Variants in MME observed in about 807,000 individuals in gnomAD.
The protein encoded by MME is neprilysin.
Under a neutral mutation model 113.2 loss-of-function variants are expected in MME, and 98 were observed. That is an observed-to-expected ratio of 0.87 (90% CI 0.74 to 1.02). MME has a LOEUF of 1.02. Among genes scored for constraint, MME ranks in the 50% least tolerant of loss-of-function variants. The probability of loss-of-function intolerance (pLI) is 0.00; values close to 1 mark genes in which losing one functional copy is unlikely to be tolerated. For missense variants in MME, 836 were observed against 896.0 expected (o/e 0.93, Z 0.86); for synonymous variants, 292 against 300.6 (o/e 0.97, Z 0.30).
rs1553762419 is a variant in MME at position 155,133,062 on chromosome 3, A to AAAAT, written c.721-5039_721-5038insAATA. ...TCTAAAAAAAAAAAAAAAAAAAAAA[A>AAAAT]ATATATATATATATATATGTATAAA... On this transcript the variant is annotated intron_variant, in intron 8 of 22. Transcript: ENST00000360490. Among the ~76,000 whole-genome samples, 22 of 75,066 alleles carry AAAAT rather than the reference A, an allele frequency of 2.9e-4. 1 individual carries two copies. The highest frequency in any genetic ancestry group is 3.6e-4 in the Non-Finnish European group (14 of 38,552). The allele number at this position is 75,066 out of a possible 152,430, so 49.2% of individuals were successfully genotyped here.
At chr3:155,040,016 G>T (rs1244138307) in intron 1 of MME, among the ~76,000 whole-genome samples, 1 of 152,112 alleles carries the variant, frequency 6.6e-6, no homozygotes, top group Non-Finnish European at 1.5e-5. Flanking sequence ...TTTAAACTCT[G>T]CTATACTGAG....
intron 16 of MME, among the ~76,000 whole-genome samples, chr3:155,153,214 A>G (rs1460450323): frequency 6.6e-6 from 1 of 151,878 alleles, no homozygotes; most frequent in African/African-American, 2.4e-5. Flanking sequence ...TTTAGTAGAG[A>G]CGGGGCTTCA....
intron 4 of MME, 141 bp downstream of exon 4, chr3:155,115,296 C>A: frequency 1.0e-6 from 1 of 981,892 alleles, no homozygotes; most frequent in Non-Finnish European, 1.5e-6. Flanking sequence ...GTACCACCAC[C>A]AAGTCACTCT....
chr3:155,043,210 T>C (rs960116777), intron 1 of MME, among the ~76,000 whole-genome samples: 21 of 151,480 alleles, frequency 1.4e-4, no homozygotes, highest in Admixed American at 1.1e-3. Flanking sequence ...TTTATAATGC[T>C]ATTTTAAAAT....
chr3:155,144,301 A>G, intron 13 of MME, 58 bp from the exon 14 acceptor site: 1 of 1,177,506 alleles, frequency 8.5e-7, no homozygotes, highest in Admixed American at 1.7e-5. Context: ...TATTTTTAAA[A>G]ATCTGTGTTA....
At position 155,180,596 on chromosome 3, in the gene MME, A is replaced by C; in HGVS notation, c.*137A>C. 1.4e-6 allele frequency: 1 copy of C among 726,740 alleles called. No homozygotes were observed. Among genetic ancestry groups the C allele is most frequent in the Non-Finnish European group, 2.5e-6 (1 of 393,318 alleles). The allele number at this position is 726,740 out of a possible 1,614,324, so 45.0% of individuals were successfully genotyped here. A position where few individuals can be genotyped will look rare whatever the true frequency, so the allele number is the denominator to read the frequency against. Reference sequence around the variant, plus strand: ...TGATTAACAGAGAGGGCACCATCACAATACAGATAACATTAGGTTGTCCTA... The same window carrying C: ...TGATTAACAGAGAGGGCACCATCACCATACAGATAACATTAGGTTGTCCTA... On this transcript the variant is annotated 3_prime_UTR_variant, in exon 23 of 23. Transcript: ENST00000360490.
rs1249632904 is a variant in MME, at chr3:155,151,361, A to T, written c.1601+2708A>T. On this transcript the variant is annotated intron_variant, in intron 16 of 22. Coordinates refer to ENST00000360490, the MANE Select transcript of MME (RefSeq NM_007289.4). ...CTTCAGAGAAATGATGATGCATTAA[A>T]TTTTCAAGACAGCAACTAATGTAAA... 3.3e-5 allele frequency among the ~76,000 whole-genome samples: 5 copies of T among 152,250 alleles called. No individual in the cohort carries two copies. In the East Asian group the frequency reaches 9.7e-4, roughly 30 times the overall value.
intron 3 of MME, among the ~76,000 whole-genome samples, chr3:155,105,004 T>A (rs926474119): frequency 2.5e-4 from 38 of 152,162 alleles, no homozygotes; most frequent in African/African-American, 7.5e-4. Flanking sequence ...TAGAATACTT[T>A]TTATTATTAT....
At chr3:155,179,755 A>G (rs1284367128) in intron 22 of MME, among the ~76,000 whole-genome samples, 1 of 152,216 alleles carries the variant, frequency 6.6e-6, no homozygotes, top group Admixed American at 6.6e-5. Flanking sequence ...GGGGTCAGAG[A>G]TAAGAGGAAA....
rs564340898 is a variant in MME, at chr3:155,070,792, G to C, written c.-10-13366G>C. Among the ~76,000 whole-genome samples the C allele has an allele frequency of 1.4e-4, 21 of 152,260 alleles. No individual in the cohort carries two copies. In the South Asian group the frequency reaches 4.1e-3, roughly 30 times the overall value. Reference sequence around the variant, plus strand: ...GCATTTCTTCACCTTGCTTGTCCTAGTTTTGATTATCTGGAATCCGCACCT... The same window carrying C: ...GCATTTCTTCACCTTGCTTGTCCTACTTTTGATTATCTGGAATCCGCACCT... On this transcript the variant is annotated intron_variant, in intron 1 of 22. Coordinates refer to the MME transcript ENST00000492661.
At chr3:155,141,611 A>T (rs1721094729) in intron 10 of MME, among the ~76,000 whole-genome samples, 1 of 152,184 alleles carries the variant, frequency 6.6e-6, no homozygotes, top group Admixed American at 6.5e-5. Context: ...TTGTTTATTA[A>T]TACCCACTTT....
intron 1 of MME, among the ~76,000 whole-genome samples, chr3:155,063,251 ATAC>A: frequency 8.5e-6 from 1 of 117,356 alleles, no homozygotes; most frequent in East Asian, 2.3e-4. Context: ...ATATAATAAT[ATAC>A]ATATAATGTA....
intron 17 of MME, among the ~76,000 whole-genome samples, chr3:155,165,893 G>T (rs1224069201): frequency 6.6e-6 from 1 of 152,194 alleles, no homozygotes; most frequent in East Asian, 1.9e-4. Flanking sequence ...AAGACTGAGG[G>T]CCTAGAGGGG....
Position 155,180,486 on chromosome 3 carries a change from G to C in MME, c.*27G>C. ...CTTCAAAAGAAGCATTGCAGCCCTT[G>C]GCTAGACTTGCCAACACCACAGAAA... On this transcript the variant is annotated 3_prime_UTR_variant, in exon 23 of 23. Coordinates refer to ENST00000360490, the MANE Select transcript of MME (RefSeq NM_007289.4). 2 of 1,560,700 alleles carry C rather than the reference G, an allele frequency of 1.3e-6. No homozygotes were observed. Among genetic ancestry groups the C allele is most frequent in the South Asian group, 2.2e-5 (2 of 90,022 alleles).
chr3:155,047,028 A>C (rs745348079), intron 1 of MME, among the ~76,000 whole-genome samples: 1 of 152,228 alleles, frequency 6.6e-6, no homozygotes, highest in Non-Finnish European at 1.5e-5. Flanking sequence ...ATATAACTTT[A>C]GTGTGTACAG....
At chr3:155,050,408 A>C (rs1345414593) in intron 1 of MME, among the ~76,000 whole-genome samples, 1 of 152,160 alleles carries the variant, frequency 6.6e-6, no homozygotes, top group African/African-American at 2.4e-5. Context: ...GAATTGCCAC[A>C]TTGCTTTCCA....
chr3:155,037,430 G>A (rs1331143828), intron 1 of MME, among the ~76,000 whole-genome samples: 3 of 152,152 alleles, frequency 2.0e-5, no homozygotes, highest in Non-Finnish European at 4.4e-5. Context: ...ACACAAAATG[G>A]TGGGGGCAAG....
Position 155,142,007 on chromosome 3 carries a change from A to G in MME, c.974A>G (p.Asn325Ser). 1 of 1,613,676 alleles carries G rather than the reference A, an allele frequency of 6.2e-7. No individual in the cohort carries two copies. The highest frequency in any genetic ancestry group is 1.3e-5 in the African/African-American group (1 of 75,012). ...EINGKPFSWL[N>S]FTNEIMSTVN... The stretch of plus-strand genomic sequence containing the variant: ...TTTTTCCAGCCATTCAGCTGGTTGA[A>G]TTTCACAAATGAAATCATGTCAACT... The change falls in exon 11 of 23, where the codon AAT becomes AGT. Residue 325 changes from asparagine (N) to serine (S), a missense_variant. Asn to Ser is a conservative substitution (Grantham distance 46). Coordinates refer to ENST00000360490, the MANE Select transcript of MME (RefSeq NM_007289.4).
rs1157455203 is a variant in MME, at chr3:155,140,213, G to A, written c.878G>A (p.Arg293Gln). The change falls in exon 10 of 23, where the codon CGA becomes CAA. Residue 293 changes from arginine to glutamine, a missense_variant. Coordinates refer to ENST00000360490, the MANE Select transcript of MME (RefSeq NM_007289.4). Reference sequence around the variant, plus strand: ...TAGGCTACGGCTAAACCTGAAGATCGAAATGATCCAATGCTTCTGTATAAC... The same window carrying A: ...TAGGCTACGGCTAAACCTGAAGATCAAAATGATCCAATGCTTCTGTATAAC... ...IANATAKPED[R>Q]NDPMLLYNKM... is the part of the protein sequence containing the mutation. 1.2e-6 allele frequency: 2 copies of A among 1,611,646 alleles called. No homozygotes were observed. Among genetic ancestry groups the A allele is most frequent in the Non-Finnish European group, 1.7e-6 (2 of 1,178,650 alleles).
Sources: allele counts gnomAD v4.1 joint callset (sites outside exome capture counted in the v4.1 genomes callset), GRCh38; gene constraint gnomAD v4.1.1; transcripts MANE v1.5; gene names NCBI Gene and HGNC (gene_info 2026-07-23, HGNC 2026-07-21).